The following DHRS3 variants were observed in gnomAD, a reference collection of about 807,000 sequenced individuals.
DHRS3 encodes the protein short-chain dehydrogenase/reductase 3.
In DHRS3, 14 loss-of-function variants were observed where a neutral mutation model predicts 27.2. The ratio of observed to expected loss-of-function variants is 0.52; its 90% confidence interval spans 0.34 to 0.81. The LOEUF is 0.81. DHRS3 is among the 30% of genes least tolerant of loss of function. The pLI is 0.01. For missense variants in DHRS3, 322 were observed against 406.2 expected (o/e 0.79, Z 1.78); for synonymous variants, 165 against 175.9 (o/e 0.94, Z 0.49).
At chr1:12,584,909 C>T (rs1646679263) in intron 1 of DHRS3, among the ~76,000 whole-genome samples, 1 of 150,090 alleles carries the variant, frequency 6.7e-6, no homozygotes, top group Admixed American at 6.6e-5. Context: ...GTGTGGGTCT[C>T]TATGAGTGTA....
intron 1 of DHRS3, among the ~76,000 whole-genome samples, chr1:12,604,274 G>A (rs942354630): frequency 3.3e-5 from 5 of 152,206 alleles, no homozygotes; most frequent in African/African-American, 9.7e-5. Flanking sequence ...ACTGGAGGGA[G>A]CTGTCACTCA....
rs1202176860 is a variant in DHRS3, at chr1:12,617,526, A to G, written c.-178T>C. On this transcript the variant is annotated 5_prime_UTR_variant, in exon 1 of 6. Transcript: ENST00000616661. The stretch of plus-strand genomic sequence containing the variant: ...AAGCACCGGGTGAGAAAAAGAAAAA[A>G]AAAAAAAAAAAAAAGATAAATTCTC... The G allele has an allele frequency of 3.6e-3, 1,638 of 452,298 alleles. 29 individuals are homozygous for G. The East Asian group carries it at 0.057, about 16-fold the overall frequency. 28.0% of individuals were successfully genotyped at this position (452,298 alleles called of 1,614,324 possible).
chr1:12,611,145 C>A (rs1193959359), intron 1 of DHRS3, among the ~76,000 whole-genome samples: 1 of 152,154 alleles, frequency 6.6e-6, no homozygotes, highest in Non-Finnish European at 1.5e-5. Context: ...ATCAGAAGGG[C>A]TTGGAAGGGA....
At chr1:12,583,453 T>TA (rs924847652) in intron 1 of DHRS3, among the ~76,000 whole-genome samples, 5 of 108,064 alleles carry the variant, frequency 4.6e-5, no homozygotes, top group Non-Finnish European at 9.2e-5. Context: ...TCCACTCACC[T>TA]ACTTATCCAT....
chr1:12,576,480 T>G (rs930600157), intron 4 of DHRS3, among the ~76,000 whole-genome samples: 1 of 151,814 alleles, frequency 6.6e-6, no homozygotes, highest in East Asian at 1.9e-4. Context: ...GAGAATGGCA[T>G]GAACCCGGGA....
intron 1 of DHRS3, among the ~76,000 whole-genome samples, chr1:12,613,730 C>A (rs1410441339): frequency 6.6e-6 from 1 of 152,158 alleles, no homozygotes; most frequent in East Asian, 1.9e-4. Flanking sequence ...GAAATACCTC[C>A]CCTCAGACTA....
At chr1:12,611,872 G>A (rs1239263358) in intron 1 of DHRS3, among the ~76,000 whole-genome samples, 1 of 151,838 alleles carries the variant, frequency 6.6e-6, no homozygotes, top group Non-Finnish European at 1.5e-5. Context: ...AGGAAGGATT[G>A]CTTGAGCCCA....
chr1:12,611,874 T>C (rs1173002970), intron 1 of DHRS3, among the ~76,000 whole-genome samples: 2 of 151,846 alleles, frequency 1.3e-5, no homozygotes, highest in African/African-American at 2.4e-5. Context: ...GAAGGATTGC[T>C]TGAGCCCAAG....
intron 1 of DHRS3, among the ~76,000 whole-genome samples, chr1:12,616,206 G>GT (rs1250149616): frequency 1.3e-5 from 2 of 152,196 alleles, no homozygotes; most frequent in African/African-American, 4.8e-5. Flanking sequence ...GTTCACAACA[G>GT]TTTAAGTTTC....
intron 1 of DHRS3, among the ~76,000 whole-genome samples, chr1:12,595,489 G>A (rs997604727): frequency 8.4e-6 from 1 of 119,312 alleles, no homozygotes; most frequent in South Asian, 3.3e-4. Context: ...CGGCGGATGG[G>A]AAAGGGGTGG....
intron 4 of DHRS3, among the ~76,000 whole-genome samples, chr1:12,575,660 A>C (rs916909406): frequency 2.0e-5 from 3 of 152,222 alleles, no homozygotes; most frequent in Non-Finnish European, 2.9e-5. Context: ...GATGACTCAC[A>C]CACAGGAGCT....
intron 3 of DHRS3, 59 bp downstream of exon 3, chr1:12,579,234 C>G: frequency 3.1e-6 from 5 of 1,613,160 alleles, no homozygotes; most frequent in Non-Finnish European, 4.2e-6. Flanking sequence ...CCCCTCCCCT[C>G]CATCCTGCCT....
intron 4 of DHRS3, among the ~76,000 whole-genome samples, chr1:12,577,654 G>A (rs776154675): frequency 1.3e-5 from 2 of 152,108 alleles, no homozygotes; most frequent in Non-Finnish European, 1.5e-5. Context: ...GTGAAACCCC[G>A]TCTGTATTAA....
At chr1:12,588,563 T>G (rs974589063) in intron 1 of DHRS3, among the ~76,000 whole-genome samples, 3 of 152,178 alleles carry the variant, frequency 2.0e-5, no homozygotes, top group Non-Finnish European at 4.4e-5. Flanking sequence ...CCCATGAGCG[T>G]GCAAGGTCCT....
At position 12,608,782 on chromosome 1, in the gene DHRS3, G is replaced by T. The variant is rs147664530; in HGVS notation, c.195+8372C>A. On this transcript the variant is annotated intron_variant, in intron 1 of 5. Coordinates refer to ENST00000616661, the MANE Select transcript of DHRS3 (RefSeq NM_004753.7). The surrounding 1 kb of genome is among the most constrained non-coding windows in gnomAD (Gnocchi z 4.1). ...TCTGCATTTTCGAGCCCTCCCCACG[G>T]GCCTAGCATGGGCCTCCAGAACCAT... is the stretch of plus-strand genomic sequence containing the variant. 3.5e-4 allele frequency among the ~76,000 whole-genome samples: 53 copies of T among 152,272 alleles called. No homozygotes were observed. Among genetic ancestry groups the T allele is most frequent in the Non-Finnish European group, 5.7e-4 (39 of 68,018 alleles).
chr1:12,613,779 T>C (rs1197308472), intron 1 of DHRS3, among the ~76,000 whole-genome samples: 1 of 152,134 alleles, frequency 6.6e-6, no homozygotes, highest in Non-Finnish European at 1.5e-5. Flanking sequence ...TGTTTGTTTG[T>C]TTGTTTTTGA....
At chr1:12,577,789 C>G (rs1354616471) in intron 4 of DHRS3, among the ~76,000 whole-genome samples, 1 of 152,334 alleles carries the variant, frequency 6.6e-6, no homozygotes, top group East Asian at 1.9e-4. Flanking sequence ...CGCCACTGCA[C>G]TCCAGCCTGG....
intron 1 of DHRS3, chr1:12,616,492 G>A (rs932457981): frequency 1.1e-6 from 1 of 911,118 alleles, no homozygotes; most frequent in Non-Finnish European, 1.3e-6. Flanking sequence ...GATCCCTGGG[G>A]GGTGTACTGG....
Position 12,574,710 on chromosome 1 carries a change from G to A in DHRS3, c.699-1857C>T, listed in dbSNP as rs764514303. On this transcript the variant is annotated intron_variant, in intron 4 of 5. Coordinates refer to ENST00000616661, the MANE Select transcript of DHRS3 (RefSeq NM_004753.7). This position sits in a 1 kb window ranked among gnomAD's most constrained non-coding sequence, Gnocchi z 4.6. The stretch of plus-strand genomic sequence containing the variant: ...ATCCTTCTTGGTAAGACCCCTGCCA[G>A]GGAAGCCGACAGAGGAGGCCTCAAG... Among the ~76,000 whole-genome samples, 7 of 152,334 alleles carry A rather than the reference G, an allele frequency of 4.6e-5. No individual in the cohort carries two copies. The highest frequency in any genetic ancestry group is 1.4e-4 in the African/African-American group (6 of 41,592).
Sources: gnomAD v4.1 joint callset for allele counts (sites outside exome capture counted in the v4.1 genomes callset) on GRCh38, gnomAD v4.1.1 for gene constraint, Gnocchi (gnomAD v3.1) non-coding constraint, MANE v1.5 for transcripts, NCBI Gene and HGNC (gene_info 2026-07-23, HGNC 2026-07-21) for gene names.